The following STARD13 variants were observed in gnomAD, a reference collection of about 807,000 sequenced individuals.
STARD13 encodes the protein stAR-related lipid transfer protein 13.
A neutral mutation model predicts 106.4 loss-of-function variants in STARD13; 62 were observed. The observed-to-expected ratio is 0.58, with a 90% confidence interval of 0.48 to 0.72. The LOEUF is 0.72. Ranked by LOEUF, STARD13 falls within the 30% of genes least tolerant of loss-of-function variation. The probability of loss-of-function intolerance (pLI) is 0.00; values close to 1 mark genes in which losing one functional copy is unlikely to be tolerated. For missense variants in STARD13, 1,387 were observed against 1,424.0 expected (o/e 0.97, Z 0.42); for synonymous variants, 565 against 553.0 (o/e 1.02, Z -0.31).
intron 1 of STARD13, among the ~76,000 whole-genome samples, chr13:33,325,671 G>A (rs774676006): frequency 7.9e-5 from 12 of 152,128 alleles, no homozygotes; most frequent in African/African-American, 1.2e-4. Context: ...CTTGAGTCCT[G>A]TGAAGCCCAA....
the STARD13 span, among the ~76,000 whole-genome samples, chr13:33,527,903 T>G: frequency 6.6e-6 from 1 of 151,508 alleles, no homozygotes; most frequent in East Asian, 1.9e-4. Flanking sequence ...TTAAAACATT[T>G]GGAATACTAT....
At chr13:33,288,580 T>A (rs1055497706), upstream of STARD13, among the ~76,000 whole-genome samples, 1 of 141,428 alleles carries the variant, frequency 7.1e-6, no homozygotes, top group Non-Finnish European at 1.6e-5. Flanking sequence ...TGGCCCTACA[T>A]TTTTTTTTTT....
rs549247857 is a variant in STARD13 at position 33,148,272 on chromosome 13, T to C, written c.324-5899A>G. ...TTAGTTCTTTCAGAGAAAAAAACTT[T>C]CAAGAGAAAGAGAAGACAAGCTATA... On this transcript the variant is annotated intron_variant, in intron 3 of 13. Transcript: ENST00000336934. Among the ~76,000 whole-genome samples the C allele has an allele frequency of 5.9e-5, 9 of 152,326 alleles. No homozygotes were observed. The East Asian group carries it at 1.3e-3, about 23-fold the overall frequency.
the STARD13 span, among the ~76,000 whole-genome samples, chr13:33,503,739 C>G: frequency 6.6e-6 from 1 of 152,154 alleles, no homozygotes; most frequent in Non-Finnish European, 1.5e-5. Context: ...GCCCTGTGGT[C>G]TGAGAGATGG....
chr13:33,539,032 G>C, the STARD13 span, among the ~76,000 whole-genome samples: 1 of 152,162 alleles, frequency 6.6e-6, no homozygotes, highest in Admixed American at 6.5e-5. Flanking sequence ...GCCTCCCAAA[G>C]TGCTGGGATT....
chr13:33,653,216 CA>C, the STARD13 span, among the ~76,000 whole-genome samples: 2 of 152,052 alleles, frequency 1.3e-5, no homozygotes, highest in African/African-American at 4.8e-5. Flanking sequence ...ACAGAATAGC[CA>C]AAACACTCTT....
At chr13:33,128,780 T>C (rs1229427474) in intron 5 of STARD13, 149 bp downstream of exon 5, 1 of 743,434 alleles carries the variant, frequency 1.3e-6, no homozygotes, top group East Asian at 2.7e-5. Flanking sequence ...GAAGTCATAC[T>C]TCTGTTCAAA....
chr13:33,583,022 G>A, the STARD13 span, among the ~76,000 whole-genome samples: 2 of 152,156 alleles, frequency 1.3e-5, no homozygotes, highest in African/African-American at 4.8e-5. Context: ...CCAATCCACT[G>A]TCCCAATCCC....
the STARD13 span, among the ~76,000 whole-genome samples, chr13:33,533,498 C>T: frequency 9.8e-4 from 149 of 151,972 alleles, no homozygotes; most frequent in Admixed American, 2.4e-3. Flanking sequence ...ATAAATCATT[C>T]AAAGTAGAGA....
the STARD13 span, among the ~76,000 whole-genome samples, chr13:33,415,523 A>T: frequency 6.6e-6 from 1 of 152,204 alleles, no homozygotes; most frequent in Non-Finnish European, 1.5e-5. Flanking sequence ...TTCTTAGGAC[A>T]TCAATTAAAG....
At chr13:33,383,839 C>T in the STARD13 span, among the ~76,000 whole-genome samples, 3 of 151,010 alleles carry the variant, frequency 2.0e-5, no homozygotes, top group African/African-American at 7.3e-5. Context: ...GTCTCATGCA[C>T]CTGGTACTTT....
At chr13:33,609,357 C>T in the STARD13 span, among the ~76,000 whole-genome samples, 1 of 152,100 alleles carries the variant, frequency 6.6e-6, no homozygotes, top group African/African-American at 2.4e-5. Context: ...CACTAGTTCT[C>T]ACGGAATTGA....
chr13:33,516,174 AT>A, the STARD13 span, among the ~76,000 whole-genome samples: 2 of 147,818 alleles, frequency 1.4e-5, no homozygotes, highest in Admixed American at 1.4e-4. Flanking sequence ...TGTATATATA[AT>A]TCATATATAT....
the STARD13 span, among the ~76,000 whole-genome samples, chr13:33,468,348 C>T: frequency 6.6e-6 from 1 of 152,084 alleles, no homozygotes; most frequent in South Asian, 2.1e-4. Flanking sequence ...ATTGACAATC[C>T]TTGTAATAGC....
chr13:33,330,974 T>G (rs529381872), intron 1 of STARD13, among the ~76,000 whole-genome samples: 1 of 152,300 alleles, frequency 6.6e-6, no homozygotes, highest in African/African-American at 2.4e-5. Flanking sequence ...TTAGACAGAA[T>G]GGATATAAAA....
the STARD13 span, among the ~76,000 whole-genome samples, chr13:33,408,021 T>C: frequency 2.6e-5 from 4 of 152,058 alleles, no homozygotes; most frequent in African/African-American, 9.7e-5. Flanking sequence ...TGGCTGTCGT[T>C]TCTTGTGGTC....
At chr13:33,372,440 G>A in the STARD13 span, among the ~76,000 whole-genome samples, 7 of 151,486 alleles carry the variant, frequency 4.6e-5, no homozygotes, top group African/African-American at 1.7e-4. Context: ...TGTCTTTGAA[G>A]TTGTTTCATA....
the STARD13 span, among the ~76,000 whole-genome samples, chr13:33,474,629 C>T: frequency 7.2e-5 from 11 of 152,096 alleles, no homozygotes; most frequent in Admixed American, 6.6e-4. Context: ...TGATAAAATT[C>T]ACATAAAAAT....
intron 1 of STARD13, among the ~76,000 whole-genome samples, chr13:33,228,199 G>T (rs1213968673): frequency 1.3e-5 from 2 of 152,096 alleles, no homozygotes; most frequent in African/African-American, 2.4e-5. Flanking sequence ...ATCACTGAAG[G>T]CTGGGAGGGA....
Sources: gnomAD v4.1 joint callset for allele counts (sites outside exome capture counted in the v4.1 genomes callset) on GRCh38, gnomAD v4.1.1 for gene constraint, MANE v1.5 for transcripts, NCBI Gene and HGNC (gene_info 2026-07-23, HGNC 2026-07-21) for gene names.